The following NAALADL2 variants were observed in gnomAD, a reference collection of about 807,000 sequenced individuals.
NAALADL2 encodes inactive N-acetylated-alpha-linked acidic dipeptidase-like protein 2.
In NAALADL2, 76 loss-of-function variants were observed where a neutral mutation model predicts 87.2. The observed-to-expected ratio is 0.87, with a 90% CI of 0.72 to 1.05. NAALADL2 has a LOEUF of 1.05. Among genes scored for constraint, NAALADL2 ranks in the 50% least tolerant of loss-of-function variants. The pLI is 0.00. For missense variants in NAALADL2, 1,089 were observed against 945.8 expected (o/e 1.15, Z -1.99); for synonymous variants, 354 against 331.0 (o/e 1.07, Z -0.75).
chr3:175,498,378 T>C (rs1729105692), intron 9 of NAALADL2, among the ~76,000 whole-genome samples: 1 of 152,054 alleles, frequency 6.6e-6, no homozygotes, highest in Admixed American at 6.6e-5. Flanking sequence ...AACAATAAAA[T>C]ATGGAGCCTT....
intron 3 of NAALADL2, among the ~76,000 whole-genome samples, chr3:174,787,601 A>ATATATATATATATATATATATATATG (rs1553855424): frequency 8.8e-5 from 8 of 91,208 alleles, no homozygotes; most frequent in Non-Finnish European, 1.2e-4. Flanking sequence ...ATATATATAT[A>ATATATATATATATATATATATATATG]TATATATATA....
intron 2 of NAALADL2, among the ~76,000 whole-genome samples, chr3:174,607,700 C>T (rs1719268731): frequency 6.6e-6 from 1 of 152,066 alleles, no homozygotes; most frequent in Admixed American, 6.6e-5. Flanking sequence ...CACTTAGACT[C>T]CCACACATTA....
At chr3:174,673,271 AT>A (rs1726740775) in intron 2 of NAALADL2, among the ~76,000 whole-genome samples, 2 of 151,976 alleles carry the variant, frequency 1.3e-5, no homozygotes, top group South Asian at 4.1e-4. Flanking sequence ...TTTTCAAGGA[AT>A]TCATGATGTA....
chr3:174,689,606 A>AT (rs1255809686), intron 2 of NAALADL2, among the ~76,000 whole-genome samples: 2 of 151,906 alleles, frequency 1.3e-5, no homozygotes, highest in African/African-American at 4.8e-5. Flanking sequence ...GTTCTCCTCT[A>AT]TATTATAGTT....
chr3:174,517,672 C>T (rs759806106), intron 1 of NAALADL2, among the ~76,000 whole-genome samples: 1 of 151,876 alleles, frequency 6.6e-6, no homozygotes, highest in Non-Finnish European at 1.5e-5. Flanking sequence ...TGTTATGAGA[C>T]CAAAGTGACA....
chr3:174,950,613 C>G (rs1740197510), intron 1 of NAALADL2, among the ~76,000 whole-genome samples: 1 of 151,906 alleles, frequency 6.6e-6, no homozygotes, highest in South Asian at 2.1e-4. Context: ...AGTTCAAAGC[C>G]TTTTTTTAAA....
At chr3:175,677,423 A>ATTG (rs1734950257) in intron 11 of NAALADL2, among the ~76,000 whole-genome samples, 1 of 151,578 alleles carries the variant, frequency 6.6e-6, no homozygotes, top group African/African-American at 2.4e-5. Flanking sequence ...CATTATTATT[A>ATTG]TTAAATTAAA....
chr3:175,761,151 C>T (rs78462326), intron 13 of NAALADL2, among the ~76,000 whole-genome samples: 326 of 152,186 alleles, frequency 2.1e-3, no homozygotes, highest in African/African-American at 7.7e-3. Flanking sequence ...AATATGTACC[C>T]ACTGTTGCAG....
chr3:174,446,456 C>A (rs1715057478), intron 1 of NAALADL2, among the ~76,000 whole-genome samples: 1 of 152,124 alleles, frequency 6.6e-6, no homozygotes, highest in African/African-American at 2.4e-5. Context: ...TTATATTGGT[C>A]AAACCTTATA....
At chr3:175,083,077 G>T (rs551592634) in intron 1 of NAALADL2, among the ~76,000 whole-genome samples, 6 of 152,282 alleles carry the variant, frequency 3.9e-5, no homozygotes, top group African/African-American at 1.4e-4. Flanking sequence ...GTTCTGAAAG[G>T]CATATGTAAA....
intron 11 of NAALADL2, among the ~76,000 whole-genome samples, chr3:175,729,166 A>G (rs1159808194): frequency 6.6e-6 from 1 of 152,134 alleles, no homozygotes; most frequent in Admixed American, 6.6e-5. Flanking sequence ...TCTTTTTCCA[A>G]TTGTGTAAAA....
chr3:175,772,270 T>TA (rs1426084474), intron 13 of NAALADL2, among the ~76,000 whole-genome samples: 1 of 151,520 alleles, frequency 6.6e-6, no homozygotes, highest in Non-Finnish European at 1.5e-5. Flanking sequence ...TTTATTTATT[T>TA]TTTTTTTTGT....
At chr3:175,721,125 G>A (rs1386135117) in intron 11 of NAALADL2, among the ~76,000 whole-genome samples, 2 of 151,956 alleles carry the variant, frequency 1.3e-5, no homozygotes, top group African/African-American at 4.8e-5. Flanking sequence ...ATCTTGCGTA[G>A]TTCATAGTCG....
At chr3:175,156,913 G>C (rs1183638927) in intron 2 of NAALADL2, among the ~76,000 whole-genome samples, 2 of 151,934 alleles carry the variant, frequency 1.3e-5, no homozygotes, top group Non-Finnish European at 2.9e-5. Context: ...AATCAAGTCA[G>C]GTCGAACATA....
chr3:174,476,675 G>A (rs974291705), intron 1 of NAALADL2, among the ~76,000 whole-genome samples: 2 of 151,910 alleles, frequency 1.3e-5, no homozygotes, highest in African/African-American at 4.8e-5. Context: ...AAATGCTAAG[G>A]TTAATTTTTA....
intron 2 of NAALADL2, among the ~76,000 whole-genome samples, chr3:174,616,890 A>C (rs1203252375): frequency 6.6e-6 from 1 of 151,874 alleles, no homozygotes; most frequent in Non-Finnish European, 1.5e-5. Flanking sequence ...ACTTCAGTAC[A>C]TTTTTATAAG....
chr3:174,920,889 A>G (rs944308173), intron 1 of NAALADL2, among the ~76,000 whole-genome samples: 1 of 152,206 alleles, frequency 6.6e-6, no homozygotes, highest in African/African-American at 2.4e-5. Context: ...GTGTCTGAGA[A>G]GGAGGCCTGA....
rs547337429 is a variant in NAALADL2, at chr3:175,720,983, T to C, written c.1897-16323T>C. On this transcript the variant is annotated intron_variant, in intron 11 of 13. Coordinates refer to ENST00000454872, the MANE Select transcript of NAALADL2 (RefSeq NM_207015.3). ...TGCAAGGATAAAAGAACTAATGGTG[T>C]GCCAAAAAATGGTGAAGATGTGAAT... Among the ~76,000 whole-genome samples the C allele has an allele frequency of 6.6e-5, 10 of 152,196 alleles. No homozygotes were observed. The South Asian group carries it at 2.1e-3, about 32-fold the overall frequency.
At position 174,618,720 on chromosome 3, in the gene NAALADL2, ATATATAAGTTGAATGGC is replaced by A. The variant is rs568839194; in HGVS notation, c.-115+68085_-115+68101del. Among the ~76,000 whole-genome samples, 376 of 152,068 alleles carry A rather than the reference ATATATAAGTTGAATGGC, an allele frequency of 2.5e-3. 2 individuals are homozygous for A. Among genetic ancestry groups the A allele is most frequent in the African/African-American group, 8.6e-3 (359 of 41,564 alleles). Reference sequence around the variant, plus strand: ...ACCAAATATAAGTTCAAAAGCACTTATATATAAGTTGAATGGCTCAATGTAATTTTTTTATAGTATCT... The same window carrying A: ...ACCAAATATAAGTTCAAAAGCACTTATCAATGTAATTTTTTTATAGTATCT... On this transcript the variant is annotated intron_variant, in intron 2 of 3. Coordinates refer to the NAALADL2 transcript ENST00000434257.
Sources: allele counts gnomAD v4.1 joint callset (sites outside exome capture counted in the v4.1 genomes callset), GRCh38; gene constraint gnomAD v4.1.1; transcripts MANE v1.5; gene names NCBI Gene and HGNC (gene_info 2026-07-23, HGNC 2026-07-21).